The following HPSE2 variants were observed in gnomAD, a reference collection of about 807,000 sequenced individuals.
HPSE2 encodes heparanase 2 (inactive).
HPSE2 carries 38 observed loss-of-function variants against 60.5 expected under a neutral mutation model. That is an observed-to-expected ratio of 0.63 (90% CI 0.48 to 0.82). HPSE2 has a LOEUF of 0.82. Among genes scored for constraint, HPSE2 ranks in the 40% least tolerant of loss-of-function variants. HPSE2 has a pLI of 0.00. For missense variants in HPSE2, 713 were observed against 740.4 expected (o/e 0.96, Z 0.43); for synonymous variants, 295 against 293.2 (o/e 1.01, Z -0.06).
chr10:98,985,694 G>C (rs1220407242), intron 3 of HPSE2, among the ~76,000 whole-genome samples: 1 of 152,076 alleles, frequency 6.6e-6, no homozygotes, highest in Non-Finnish European at 1.5e-5. Context: ...GACACAGACT[G>C]GCAAATTGGA....
intron 2 of HPSE2, among the ~76,000 whole-genome samples, chr10:99,191,829 C>T (rs1418225148): frequency 6.6e-6 from 1 of 152,172 alleles, no homozygotes; most frequent in African/African-American, 2.4e-5. Flanking sequence ...TGTGACCTTT[C>T]AGACAGAAAT....
intron 3 of HPSE2, among the ~76,000 whole-genome samples, chr10:99,069,700 G>T (rs1842725815): frequency 6.6e-6 from 1 of 151,186 alleles, no homozygotes; most frequent in African/African-American, 2.4e-5. Flanking sequence ...GCATAAAATT[G>T]CAATGATAAT....
chr10:99,192,368 C>A (rs145317080), intron 2 of HPSE2, among the ~76,000 whole-genome samples: 1 of 152,052 alleles, frequency 6.6e-6, no homozygotes, highest in Admixed American at 6.6e-5. Flanking sequence ...GAAAAGAAAC[C>A]GGTAACAAAG....
At chr10:99,203,806 G>C (rs1220188670) in intron 2 of HPSE2, among the ~76,000 whole-genome samples, 1 of 150,226 alleles carries the variant, frequency 6.7e-6, no homozygotes. Context: ...ATAGCTCCAG[G>C]ACCAGGTTAG....
chr10:98,667,963 C>A (rs1007289664), intron 6 of HPSE2, among the ~76,000 whole-genome samples: 3 of 152,070 alleles, frequency 2.0e-5, no homozygotes, highest in African/African-American at 7.2e-5. Context: ...TAAAAGGCAT[C>A]CAAATAAGAG....
intron 5 of HPSE2, among the ~76,000 whole-genome samples, chr10:98,710,252 C>A (rs1424974435): frequency 1.3e-5 from 2 of 152,224 alleles, no homozygotes; most frequent in East Asian, 3.9e-4. Flanking sequence ...TCCCTTTCTC[C>A]TTCTCTCCCT....
intron 9 of HPSE2, among the ~76,000 whole-genome samples, chr10:98,589,352 CTT>C (rs1363341458): frequency 6.6e-6 from 1 of 152,218 alleles, no homozygotes; most frequent in African/African-American, 2.4e-5. Flanking sequence ...TCTGTGGTCT[CTT>C]GAGTGTTCTT....
chr10:98,999,157 G>GTT (rs1491123053), intron 3 of HPSE2, among the ~76,000 whole-genome samples: 1 of 51,158 alleles, frequency 2.0e-5, no homozygotes, highest in Non-Finnish European at 3.2e-5. Flanking sequence ...TATAGACTAC[G>GTT]TGTGTGTGTG....
intron 3 of HPSE2, among the ~76,000 whole-genome samples, chr10:98,750,830 A>C (rs1454545956): frequency 6.6e-6 from 1 of 152,164 alleles, no homozygotes; most frequent in Non-Finnish European, 1.5e-5. Flanking sequence ...AAATAATTTG[A>C]GTGGGCAGAA....
At chr10:99,047,808 A>G (rs745837296) in intron 3 of HPSE2, 3 of 815,896 alleles carry the variant, frequency 3.7e-6, no homozygotes, top group Admixed American at 3.4e-5. Context: ...GCAAAGCACT[A>G]TCACAAGGAA....
chr10:99,235,514 T>A lies in HPSE2; in HGVS notation c.289A>T (p.Ser97Cys). 1 of 1,614,094 alleles carries A rather than the reference T, an allele frequency of 6.2e-7. No individual in the cohort carries two copies. Among genetic ancestry groups the A allele is most frequent in the Non-Finnish European group, 8.5e-7 (1 of 1,180,020 alleles). ...IIHDGWLDFL[S>C]SKRLVTLARG... is the part of the protein sequence containing the mutation. ...GATCCATCGAAACCCCTGCCTTACCTTAGGAAATCGAGCCAGCCATCATGA... is the reference window on the plus strand; with the variant it reads ...GATCCATCGAAACCCCTGCCTTACCATAGGAAATCGAGCCAGCCATCATGA... Residue 97 changes from serine (S) to cysteine (C), a missense_variant and splice_region_variant, in exon 1 of 12, where the codon AGC becomes TGC. Physicochemically the swap from Ser to Cys is moderately radical, Grantham distance 112 (BLOSUM62 -1). Coordinates refer to ENST00000370552, the MANE Select transcript of HPSE2 (RefSeq NM_021828.5).
intron 3 of HPSE2, among the ~76,000 whole-genome samples, chr10:98,845,020 G>A (rs193009423): frequency 6.6e-6 from 1 of 152,296 alleles, no homozygotes; most frequent in Admixed American, 6.5e-5. Context: ...TTTCCTGGCT[G>A]AAGACATTGC....
chr10:98,617,143 C>G (rs1945934263), intron 8 of HPSE2, among the ~76,000 whole-genome samples: 1 of 152,130 alleles, frequency 6.6e-6, no homozygotes, highest in African/African-American at 2.4e-5. Flanking sequence ...TATGTGAGTC[C>G]CTCCATCTAG....
chr10:98,666,686 T>C (rs1406302511), intron 6 of HPSE2, among the ~76,000 whole-genome samples: 1 of 152,160 alleles, frequency 6.6e-6, no homozygotes, highest in Non-Finnish European at 1.5e-5. Flanking sequence ...GAATAACTCT[T>C]GAGCGAACAA....
chr10:99,258,043 A>G, the HPSE2 span, among the ~76,000 whole-genome samples: 12 of 152,022 alleles, frequency 7.9e-5, no homozygotes, highest in African/African-American at 2.9e-4. Context: ...TGGGAGGCTG[A>G]GGCAGGAGAA....
chr10:98,508,682 C>T (rs987293086), intron 9 of HPSE2, among the ~76,000 whole-genome samples: 1 of 152,082 alleles, frequency 6.6e-6, no homozygotes, highest in Non-Finnish European at 1.5e-5. Flanking sequence ...AGAAGTCTCT[C>T]ATGAAGGAAC....
chr10:98,473,857 G>A (rs902745936), intron 11 of HPSE2, among the ~76,000 whole-genome samples: 8 of 152,148 alleles, frequency 5.3e-5, no homozygotes, highest in Non-Finnish European at 1.2e-4. Flanking sequence ...TTCCTGAGAC[G>A]AGCCATCCCA....
At chr10:98,948,930 A>G (rs1955268921) in intron 3 of HPSE2, among the ~76,000 whole-genome samples, 3 of 152,274 alleles carry the variant, frequency 2.0e-5, no homozygotes, top group African/African-American at 7.2e-5. Context: ...AATACAACAT[A>G]TAAAATATGT....
chr10:98,586,041 T>G (rs1589457320), intron 9 of HPSE2, among the ~76,000 whole-genome samples: 1 of 151,764 alleles, frequency 6.6e-6, no homozygotes, highest in African/African-American at 2.4e-5. Flanking sequence ...CTAATTCCAA[T>G]TATTATGGCA....
Sources: gnomAD v4.1 joint callset for allele counts (sites outside exome capture counted in the v4.1 genomes callset) on GRCh38, gnomAD v4.1.1 for gene constraint, MANE v1.5 for transcripts, NCBI Gene and HGNC (gene_info 2026-07-23, HGNC 2026-07-21) for gene names.